EMC9: variants seen among roughly 807,000 people sequenced by gnomAD.
EMC9 encodes the protein ER membrane protein complex subunit 9.
EMC9 carries 20 observed loss-of-function variants against 25.0 expected under a neutral mutation model. The observed-to-expected ratio is 0.80, with a 90% CI of 0.56 to 1.16. The LOEUF (loss-of-function observed/expected upper bound fraction) is 1.16, where lower values mean the gene tolerates loss of function less well. EMC9 is among the 50% of genes most tolerant of loss of function. The pLI is 0.00. For missense variants in EMC9, 256 were observed against 268.7 expected (o/e 0.95, Z 0.33); for synonymous variants, 100 against 107.0 (o/e 0.93, Z 0.40).
rs2038011644 is a variant in EMC9, at chr14:24,139,936, T to C, written c.276-322A>G. On this transcript the variant is annotated intron_variant, in intron 3 of 5. Coordinates refer to ENST00000216799, the MANE Select transcript of EMC9 (RefSeq NM_016049.4). The surrounding 1 kb of genome is among the most constrained non-coding windows in gnomAD (Gnocchi z 4.6). The stretch of plus-strand genomic sequence containing the variant: ...CCAGAAATTCTACTTATAAAGAATT[T>C]ATGGTAATCATAGGACAGTGTCTGT... 2.0e-6 allele frequency: 1 copy of C among 500,470 alleles called. No homozygotes were observed. The highest frequency in any genetic ancestry group is 3.8e-6 in the Non-Finnish European group (1 of 261,478). The allele number at this position is 500,470 out of a possible 1,614,324, so 31.0% of individuals were successfully genotyped here. A position where few individuals can be genotyped will look rare whatever the true frequency, so the allele number is the denominator to read the frequency against.
intron 3 of EMC9, chr14:24,140,561 T>C: frequency 4.4e-6 from 1 of 228,562 alleles, no homozygotes; most frequent in Middle Eastern, 1.5e-3. Context: ...GCCACTGCAC[T>C]CCAGCCTGGG....
chr14:24,139,859 T>A lies in EMC9; in HGVS notation c.276-245A>T. 1 of 1,183,884 alleles carries A rather than the reference T, an allele frequency of 8.4e-7. No homozygotes were observed. The highest frequency in any genetic ancestry group is 1.5e-5 in the African/African-American group (1 of 66,108). 73.3% of individuals were successfully genotyped at this position (1,183,884 alleles called of 1,614,324 possible). On this transcript the variant is annotated intron_variant, in intron 3 of 5. Transcript: ENST00000216799. The surrounding 1 kb of genome is among the most constrained non-coding windows in gnomAD (Gnocchi z 4.6). ...CAAAGGTGGTCTTTTTGGAAGGTAATTTGGCATAACCATCCAAATTGAAAC... is the reference window on the plus strand; with the variant it reads ...CAAAGGTGGTCTTTTTGGAAGGTAAATTGGCATAACCATCCAAATTGAAAC...
chr14:24,140,880 G>A lies in EMC9; in HGVS notation c.275+9C>T. On this transcript the variant is annotated intron_variant, in intron 3 of 5. Transcript: ENST00000216799. Reference sequence around the variant, plus strand: ...ATCCTTTCCTTCTTCCTCTGGCTACGCCACTCACCTCTGATCGTTCACAGC... The same window carrying A: ...ATCCTTTCCTTCTTCCTCTGGCTACACCACTCACCTCTGATCGTTCACAGC... 1 of 1,612,832 alleles carries A rather than the reference G, an allele frequency of 6.2e-7. No homozygotes were observed. Among genetic ancestry groups the A allele is most frequent in the South Asian group, 1.1e-5 (1 of 91,040 alleles).
rs763900106 is a variant in EMC9, at chr14:24,140,970, C to G, written c.199-5G>C. 1 of 1,614,252 alleles carries G rather than the reference C, an allele frequency of 6.2e-7. No homozygotes were observed. Among genetic ancestry groups the G allele is most frequent in the Non-Finnish European group, 8.5e-7 (1 of 1,180,054 alleles). On this transcript the variant is annotated splice_region_variant and splice_polypyrimidine_tract_variant and intron_variant, in intron 2 of 5. Coordinates refer to ENST00000216799, the MANE Select transcript of EMC9 (RefSeq NM_016049.4). ...CTGTGCTCCCCACACATCCACCTGT[C>G]GTAGGAAAGGGGCCATCAGTAATTA...
chr14:24,141,481 C>T lies in EMC9; in HGVS notation c.-56G>A, dbSNP rs1486641899. ...CTAACTCGACTCGCAGGTAGCCCGC[C>T]GGCTCCCGGCGCCCTGGGTCCCGGA... On this transcript the variant is annotated 5_prime_UTR_variant, in exon 1 of 6. Transcript: ENST00000216799. The T allele has an allele frequency of 1.4e-6, 1 of 692,624 alleles. No homozygotes were observed. The highest frequency in any genetic ancestry group is 2.6e-5 in the Admixed American group (1 of 38,448). The allele number at this position is 692,624 out of a possible 1,614,324, so 42.9% of individuals were successfully genotyped here.
At position 24,141,121 on chromosome 14, in the gene EMC9, C is replaced by T. The variant is rs1273180731; in HGVS notation, c.184G>A (p.Val62Ile). Reference protein sequence around the residue: ...SHLALSVMLEVALNQVDVWGA... With the variant: ...SHLALSVMLEIALNQVDVWGA... ...AACGGAGGCACCTGGTTGAGGGCGA[C>T]CTCCAACATGACGGACAGGGCCAGG... is the stretch of plus-strand genomic sequence containing the variant. The change falls in exon 2 of 6, where the codon GTC becomes ATC. Residue 62 changes from valine to isoleucine, a missense_variant. By Grantham distance (29) the Val-to-Ile change is conservative (BLOSUM62 3). Coordinates refer to ENST00000216799, the MANE Select transcript of EMC9 (RefSeq NM_016049.4). 1.9e-6 allele frequency: 3 copies of T among 1,613,950 alleles called. No individual in the cohort carries two copies. The highest frequency in any genetic ancestry group is 1.3e-5 in the African/African-American group (1 of 74,942).
intron 3 of EMC9, 72 bp downstream of exon 3, chr14:24,140,813 CGCAT>C (rs1594363521): frequency 2.1e-6 from 3 of 1,454,770 alleles, no homozygotes; most frequent in South Asian, 1.2e-5. Flanking sequence ...CACCGCCCCA[CGCAT>C]CCTCGCCCTC....
Position 24,139,566 on chromosome 14 carries a change from G to A in EMC9, c.324C>T (p.Phe108=), listed in dbSNP as rs777664813. Residue 108 remains phenylalanine (F), a synonymous_variant, in exon 4 of 6, where the codon TTC becomes TTT. Transcript: ENST00000216799. This position sits in a 1 kb window ranked among gnomAD's most constrained non-coding sequence, Gnocchi z 4.6. ...TCACCATAATAAGTACTGCATCAGG[G>A]AAGAATTCTGCAATTCGCCCAGCAA... The part of the protein sequence containing the change: ...LKIAGRIAEF[F]PDAVLIMLDN... 20 of 1,614,080 alleles carry A rather than the reference G, an allele frequency of 1.2e-5. No homozygotes were observed. In the South Asian group the frequency reaches 2.2e-4, roughly 18 times the overall value.
rs369081035 is a variant in EMC9 at position 24,141,569 on chromosome 14, C to T, written c.-144G>A. The T allele has an allele frequency of 2.1e-5, 12 of 583,428 alleles. No homozygotes were observed. The Admixed American group carries it at 2.1e-4, about 10-fold the overall frequency. 36.1% of individuals were successfully genotyped at this position (583,428 alleles called of 1,614,324 possible). A position where few individuals can be genotyped will look rare whatever the true frequency, so the allele number is the denominator to read the frequency against. ...GCATCCGAGCCCCGCCTTCCCGCGC[C>T]CCTAGCTGGCGGCCGCGACTCTGCG... is the stretch of plus-strand genomic sequence containing the variant. On this transcript the variant is annotated 5_prime_UTR_variant, in exon 1 of 6. Transcript: ENST00000216799.
intron 3 of EMC9, 135 bp downstream of exon 3, chr14:24,140,753 GA>G (rs1287992019): frequency 3.4e-6 from 3 of 895,466 alleles, no homozygotes; most frequent in Middle Eastern, 2.2e-4. Flanking sequence ...TTTGATGAAG[GA>G]AAGATAAAAG....
rs917454195 is a variant in EMC9, at chr14:24,139,914, G to A, written c.276-300C>T. ...TACATACTATACATATGCTGACCCA[G>A]AAATTCTACTTATAAAGAATTTATG... On this transcript the variant is annotated intron_variant, in intron 3 of 5. Transcript: ENST00000216799. The surrounding 1 kb of genome is among the most constrained non-coding windows in gnomAD (Gnocchi z 4.6). The A allele has an allele frequency of 1.6e-5, 9 of 559,102 alleles. No individual in the cohort carries two copies. The highest frequency in any genetic ancestry group is 1.5e-4 in the African/African-American group (8 of 52,972). The allele number at this position is 559,102 out of a possible 1,614,324, so 34.6% of individuals were successfully genotyped here.
At chr14:24,140,582 A>C in intron 3 of EMC9, 1 of 276,226 alleles carries the variant, frequency 3.6e-6, no homozygotes, top group Non-Finnish European at 6.8e-6. Flanking sequence ...AGACAGAGGG[A>C]GACTCCGTCT....
rs1246596120 is a variant in EMC9 at position 24,140,317 on chromosome 14, C to T, written c.275+572G>A. On this transcript the variant is annotated intron_variant, in intron 3 of 5. Coordinates refer to ENST00000216799, the MANE Select transcript of EMC9 (RefSeq NM_016049.4). ...AGAGTGGTGGCTCACGCCTGTAATC[C>T]CAGCACTTTGGGAGTCCGAGGCGCG... The T allele has an allele frequency of 2.0e-5, 3 of 152,694 alleles. No individual in the cohort carries two copies. In the East Asian group the frequency reaches 5.7e-4, roughly 29 times the overall value. The allele number at this position is 152,694 out of a possible 1,614,324, so 9.5% of individuals were successfully genotyped here. A position where few individuals can be genotyped will look rare whatever the true frequency, so the allele number is the denominator to read the frequency against.
Position 24,141,576 on chromosome 14 carries a change from T to C in EMC9, c.-151A>G. 1.7e-6 allele frequency: 1 copy of C among 577,936 alleles called. No individual in the cohort carries two copies. The highest frequency in any genetic ancestry group is 2.9e-5 in the East Asian group (1 of 34,580). The allele number at this position is 577,936 out of a possible 1,614,324, so 35.8% of individuals were successfully genotyped here. On this transcript the variant is annotated 5_prime_UTR_variant, in exon 1 of 6. Transcript: ENST00000216799. ...AGCCCCGCCTTCCCGCGCCCCTAGC[T>C]GGCGGCCGCGACTCTGCGCCTGCCT...
Position 24,139,959 on chromosome 14 carries a change from T to G in EMC9, c.276-345A>C. 2.3e-6 allele frequency: 1 copy of G among 439,928 alleles called. No individual in the cohort carries two copies. The highest frequency in any genetic ancestry group is 4.5e-6 in the Non-Finnish European group (1 of 224,660). The allele number at this position is 439,928 out of a possible 1,614,324, so 27.3% of individuals were successfully genotyped here. A position where few individuals can be genotyped will look rare whatever the true frequency, so the allele number is the denominator to read the frequency against. On this transcript the variant is annotated intron_variant, in intron 3 of 5. Coordinates refer to ENST00000216799, the MANE Select transcript of EMC9 (RefSeq NM_016049.4). This position sits in a 1 kb window ranked among gnomAD's most constrained non-coding sequence, Gnocchi z 4.6. ...TTTATGGTAATCATAGGACAGTGTCTGTAATAAAACACTGGAAACAACCTC... is the reference window on the plus strand; with the variant it reads ...TTTATGGTAATCATAGGACAGTGTCGGTAATAAAACACTGGAAACAACCTC...
chr14:24,140,911 T>C lies in EMC9; in HGVS notation c.253A>G (p.Asn85Asp). 6.2e-7 allele frequency: 1 copy of C among 1,614,224 alleles called. No individual in the cohort carries two copies. The highest frequency in any genetic ancestry group is 8.5e-7 in the Non-Finnish European group (1 of 1,180,044). ...CACCTCTGATCGTTCACAGCTGCAT[T>C]GGCATGGTAGTAACCAGCCACCACC... Reference protein sequence around the residue: ...GLVVAGYYHANAAVNDQSPGP... With the variant: ...GLVVAGYYHADAAVNDQSPGP... The change falls in exon 3 of 6, where the codon AAT (asparagine) becomes GAT (aspartate). Residue 85 changes from asparagine (N) to aspartate (D), a missense_variant. Coordinates refer to ENST00000216799, the MANE Select transcript of EMC9 (RefSeq NM_016049.4).
Position 24,139,264 on chromosome 14 carries a change from T to C in EMC9, c.441-68A>G. On this transcript the variant is annotated intron_variant, in intron 5 of 5. Transcript: ENST00000216799. The surrounding 1 kb of genome is among the most constrained non-coding windows in gnomAD (Gnocchi z 4.6). The stretch of plus-strand genomic sequence containing the variant: ...GTCCAGACACAGACTTAACAGAGAT[T>C]GGGTCTAGAGAAAGACCCTTGGGGC... The C allele has an allele frequency of 6.2e-7, 1 of 1,602,400 alleles. No individual in the cohort carries two copies. The highest frequency in any genetic ancestry group is 1.1e-5 in the South Asian group (1 of 90,132).
rs868297577 is a variant in EMC9, at chr14:24,139,498, C to G, written c.346-44G>C. ...GCAAGTGAGAGTTTCAAGGGTCCCCCCACCCTACTTGCTTTTCACCTCCCC... is the reference window on the plus strand; with the variant it reads ...GCAAGTGAGAGTTTCAAGGGTCCCCGCACCCTACTTGCTTTTCACCTCCCC... On this transcript the variant is annotated intron_variant, in intron 4 of 5. Transcript: ENST00000216799. The surrounding 1 kb of genome is among the most constrained non-coding windows in gnomAD (Gnocchi z 4.6). 1 of 1,613,020 alleles carries G rather than the reference C, an allele frequency of 6.2e-7. No individual in the cohort carries two copies. The highest frequency in any genetic ancestry group is 8.5e-7 in the Non-Finnish European group (1 of 1,179,252).
chr14:24,140,979 G>A lies in EMC9; in HGVS notation c.199-14C>T, dbSNP rs2038045202. On this transcript the variant is annotated splice_polypyrimidine_tract_variant and intron_variant, in intron 2 of 5. Coordinates refer to ENST00000216799, the MANE Select transcript of EMC9 (RefSeq NM_016049.4). ...CCACACATCCACCTGTCGTAGGAAA[G>A]GGGCCATCAGTAATTAAATTGTGCC... 6.2e-7 allele frequency: 1 copy of A among 1,614,144 alleles called. No individual in the cohort carries two copies. Among genetic ancestry groups the A allele is most frequent in the African/African-American group, 1.3e-5 (1 of 74,960 alleles).
Sources: gnomAD v4.1 joint callset for allele counts on GRCh38, gnomAD v4.1.1 for gene constraint, Gnocchi (gnomAD v3.1) non-coding constraint, MANE v1.5 for transcripts, NCBI Gene and HGNC (gene_info 2026-07-23, HGNC 2026-07-21) for gene names.